The following ACADL variants were observed in gnomAD, a reference collection of about 807,000 sequenced individuals.
ACADL encodes long-chain specific acyl-CoA dehydrogenase, mitochondrial.
ACADL carries 60 observed loss-of-function variants against 56.9 expected under a neutral mutation model. The observed-to-expected ratio is 1.05, with a 90% CI of 0.86 to 1.31. The LOEUF (loss-of-function observed/expected upper bound fraction) is 1.31. ACADL is among the 50% of genes most tolerant of loss of function. The pLI is 0.00. For missense variants in ACADL, 484 were observed against 525.5 expected (o/e 0.92, Z 0.77); for synonymous variants, 158 against 179.7 (o/e 0.88, Z 0.97).
chr2:210,206,785 A>G (rs781224597), intron 5 of ACADL, among the ~76,000 whole-genome samples: 8 of 151,916 alleles, frequency 5.3e-5, no homozygotes, highest in Non-Finnish European at 1.0e-4. Context: ...TATTTAAGCC[A>G]TGTTTCTTTT....
rs1689243462 is a variant in ACADL at position 210,224,927 on chromosome 2, T to G, written c.77+260A>C. On this transcript the variant is annotated intron_variant, in intron 1 of 10. Transcript: ENST00000233710. ...TCCGGAATGAACTTCTGGAGAAATCTTTCGGCTTTCCCCGACGTGGGCTCG... is the reference window on the plus strand; with the variant it reads ...TCCGGAATGAACTTCTGGAGAAATCGTTCGGCTTTCCCCGACGTGGGCTCG... The G allele has an allele frequency of 4.5e-6, 6 of 1,322,034 alleles. No individual in the cohort carries two copies. In the African/African-American group the frequency reaches 9.4e-5, roughly 21 times the overall value. The allele number at this position is 1,322,034 out of a possible 1,614,324, so 81.9% of individuals were successfully genotyped here. A position where few individuals can be genotyped will look rare whatever the true frequency, so the allele number is the denominator to read the frequency against.
intron 8 of ACADL, among the ~76,000 whole-genome samples, chr2:210,200,033 C>G (rs144154558): frequency 6.6e-6 from 1 of 152,288 alleles, no homozygotes; most frequent in Non-Finnish European, 1.5e-5. Context: ...GTGTGAGCCA[C>G]TATGCCTGGC....
At chr2:210,221,304 T>C (rs1476308108) in intron 1 of ACADL, among the ~76,000 whole-genome samples, 2 of 152,110 alleles carry the variant, frequency 1.3e-5, no homozygotes, top group Non-Finnish European at 2.9e-5. Flanking sequence ...ACAAAGCCAA[T>C]CTGGGTGGAG....
rs1688874196 is a variant in ACADL, at chr2:210,205,645, C to T, written c.755G>A (p.Gly252Glu). 6.2e-7 allele frequency: 1 copy of T among 1,613,796 alleles called. No homozygotes were observed. The highest frequency in any genetic ancestry group is 8.5e-7 in the Non-Finnish European group (1 of 1,179,840). ...FIKGRKLHKM[G>E]LKAQDTAELF... ...ATTATCACTCACCTGGGCTTTTAAT[C>T]CCATTTTATGTAGCTTTCGTCCCTT... The change falls in exon 6 of 11, where the codon GGA (glycine) becomes GAA (glutamate). Residue 252 changes from glycine (G) to glutamate (E), a missense_variant. Physicochemically the swap from Gly to Glu is moderately conservative, Grantham distance 98. Coordinates refer to ENST00000233710, the MANE Select transcript of ACADL (RefSeq NM_001608.4).
At chr2:210,220,959 G>A (rs1028271899) in intron 1 of ACADL, among the ~76,000 whole-genome samples, 157 bp from the exon 2 acceptor site, 5 of 152,062 alleles carry the variant, frequency 3.3e-5, no homozygotes, top group Admixed American at 2.0e-4. Context: ...AAATTTGGGC[G>A]CCACCACTTT....
intron 7 of ACADL, 76 bp from the exon 8 acceptor site, chr2:210,203,520 A>C (rs967898647): frequency 1.1e-6 from 1 of 871,324 alleles, no homozygotes; most frequent in Non-Finnish European, 1.8e-6. Flanking sequence ...ATTACGATAA[A>C]TCCTATAAAT....
At chr2:210,210,488 G>C (rs1688960869) in intron 4 of ACADL, among the ~76,000 whole-genome samples, 2 of 152,092 alleles carry the variant, frequency 1.3e-5, no homozygotes, top group Admixed American at 1.3e-4. Flanking sequence ...ATATAAATTA[G>C]CCAGGTTTTA....
intron 10 of ACADL, among the ~76,000 whole-genome samples, chr2:210,189,737 A>G (rs536743443): frequency 6.6e-6 from 1 of 151,888 alleles, no homozygotes; most frequent in African/African-American, 2.4e-5. Context: ...AGTTGTTTTT[A>G]TCTTTTCTCA....
chr2:210,209,625 G>A (rs1385212109), intron 5 of ACADL: 1 of 151,954 alleles, frequency 6.6e-6, no homozygotes, highest in Non-Finnish European at 1.5e-5. Flanking sequence ...TCCTGAGTGA[G>A]TAGCTGGGAC....
At chr2:210,218,450 A>T (rs1386575046) in intron 2 of ACADL, 8 of 238,356 alleles carry the variant, frequency 3.4e-5, no homozygotes, top group Non-Finnish European at 6.6e-5. Flanking sequence ...CAGGCTAATT[A>T]AAAAAAAATT....
At chr2:210,205,511 A>G (rs1454887797) in intron 6 of ACADL, 121 bp downstream of exon 6, 2 of 949,132 alleles carry the variant, frequency 2.1e-6, no homozygotes, top group Admixed American at 2.1e-5. Context: ...TCAGAAAAGC[A>G]TATTTTAGGA....
At chr2:210,197,262 A>G (rs556787674) in intron 8 of ACADL, among the ~76,000 whole-genome samples, 5 of 152,252 alleles carry the variant, frequency 3.3e-5, no homozygotes, top group South Asian at 2.1e-4. Context: ...AAACTAAGCA[A>G]TGAGAAGGTT....
At chr2:210,212,265 T>C (rs1392701790) in intron 4 of ACADL, among the ~76,000 whole-genome samples, 1 of 152,074 alleles carries the variant, frequency 6.6e-6, no homozygotes, top group Non-Finnish European at 1.5e-5. Context: ...AATTTAAGGA[T>C]GTTGTGATAG....
intron 8 of ACADL, among the ~76,000 whole-genome samples, chr2:210,196,332 C>T (rs1213696996): frequency 1.3e-5 from 2 of 151,554 alleles, no homozygotes; most frequent in Non-Finnish European, 2.9e-5. Flanking sequence ...TGGATGAATA[C>T]ACCTCCCGTA....
chr2:210,200,870 A>T (rs905449515), intron 8 of ACADL, among the ~76,000 whole-genome samples: 1 of 152,232 alleles, frequency 6.6e-6, no homozygotes, highest in Non-Finnish European at 1.5e-5. Context: ...GAATAAAATA[A>T]GGATAACAGC....
chr2:210,225,204 G>C lies in ACADL; in HGVS notation c.60C>G (p.Arg20=). ...GCACTCACCGCGCGGCGGGCAGCTG[G>C]CGCGGCGCACGGTGGCCGCCCAGGA... The part of the protein sequence containing the change: ...LRVLGGHRAP[R]QLPAARCSHS... Residue 20 remains arginine (R), a synonymous_variant, in exon 1 of 11, where the codon CGC becomes CGG. Coordinates refer to ENST00000233710, the MANE Select transcript of ACADL (RefSeq NM_001608.4). The C allele has an allele frequency of 6.5e-7, 1 of 1,539,162 alleles. No homozygotes were observed. Among genetic ancestry groups the C allele is most frequent in the Non-Finnish European group, 8.7e-7 (1 of 1,148,184 alleles).
intron 10 of ACADL, among the ~76,000 whole-genome samples, chr2:210,190,320 C>T (rs1026414700): frequency 6.6e-6 from 1 of 152,086 alleles, no homozygotes; most frequent in African/African-American, 2.4e-5. Context: ...CTATTCTCTA[C>T]AAAATCTAGC....
chr2:210,200,288 G>GA (rs1688772826), intron 8 of ACADL, among the ~76,000 whole-genome samples: 1 of 152,038 alleles, frequency 6.6e-6, no homozygotes, highest in Non-Finnish European at 1.5e-5. Flanking sequence ...AACCAAAAAG[G>GA]AAAAAATCAT....
chr2:210,195,155 A>G, intron 9 of ACADL, 56 bp downstream of exon 9: 1 of 1,611,206 alleles, frequency 6.2e-7, no homozygotes, highest in South Asian at 1.1e-5. Context: ...TAAAATTGGC[A>G]GAATTCCATA....
Sources: allele counts gnomAD v4.1 joint callset (sites outside exome capture counted in the v4.1 genomes callset), GRCh38; gene constraint gnomAD v4.1.1; transcripts MANE v1.5; gene names NCBI Gene and HGNC (gene_info 2026-07-23, HGNC 2026-07-21).